The following DPP6 variants were observed in gnomAD, a reference collection of about 807,000 sequenced individuals.
The protein encoded by DPP6 is A-type potassium channel modulatory protein DPP6.
In DPP6, 69 loss-of-function variants were observed where a neutral mutation model predicts 122.6. That is an observed-to-expected ratio of 0.56 (90% CI 0.46 to 0.69). The LOEUF is 0.69. Among genes scored for constraint, DPP6 ranks in the 30% least tolerant of loss-of-function variants. DPP6 has a pLI of 0.00. For missense variants in DPP6, 928 were observed against 1,116.9 expected (o/e 0.83, Z 2.41); for synonymous variants, 418 against 433.1 (o/e 0.97, Z 0.43).
chr7:154,672,146 GT>G (rs1186923796), intron 7 of DPP6, among the ~76,000 whole-genome samples: 3 of 152,138 alleles, frequency 2.0e-5, no homozygotes, highest in African/African-American at 7.2e-5. Context: ...AGATCTGATG[GT>G]TTCCCCCTTT....
chr7:154,487,675 G>T (rs1011139639), intron 3 of DPP6, among the ~76,000 whole-genome samples: 1 of 152,166 alleles, frequency 6.6e-6, no homozygotes, highest in Non-Finnish European at 1.5e-5. Flanking sequence ...CCATTAATTA[G>T]AGACTATTCA....
chr7:154,705,283 T>G (rs2131281446), intron 7 of DPP6, among the ~76,000 whole-genome samples: 1 of 152,304 alleles, frequency 6.6e-6, no homozygotes, highest in Admixed American at 6.5e-5. Flanking sequence ...CAGAAGTGGG[T>G]TTGGCATCCA....
intron 21 of DPP6, among the ~76,000 whole-genome samples, chr7:154,882,857 G>A (rs926350818): frequency 6.6e-6 from 1 of 152,182 alleles, no homozygotes; most frequent in Non-Finnish European, 1.5e-5. Flanking sequence ...TAGACAAGGT[G>A]CCCCTGCCCT....
the DPP6 span, among the ~76,000 whole-genome samples, chr7:153,825,090 A>G: frequency 0.66 from 99,660 of 151,944 alleles, 33,428 homozygotes; most frequent in African/African-American, 0.82. Context: ...GTGACACCCC[A>G]TCTGTTTCTG....
intron 1 of DPP6, among the ~76,000 whole-genome samples, chr7:154,387,831 A>G (rs4043737): frequency 0.93 from 141,176 of 152,246 alleles, 65,646 homozygotes; most frequent in East Asian, 1. Flanking sequence ...AGCTCTTTGT[A>G]CGCCATACCT....
At chr7:154,030,388 G>A (rs1302115878) in intron 1 of DPP6, among the ~76,000 whole-genome samples, 1 of 152,178 alleles carries the variant, frequency 6.6e-6, no homozygotes, top group Non-Finnish European at 1.5e-5. Flanking sequence ...GGCACCAGGT[G>A]TGAGTTGGGA....
At chr7:154,006,634 T>C (rs554564134) in intron 1 of DPP6, among the ~76,000 whole-genome samples, 1 of 152,286 alleles carries the variant, frequency 6.6e-6, no homozygotes, top group South Asian at 2.1e-4. Flanking sequence ...GGTCTCTGCC[T>C]AAGTTATTTT....
intron 1 of DPP6, among the ~76,000 whole-genome samples, chr7:154,101,936 A>AAC (rs1491365323): frequency 6.1e-5 from 6 of 97,808 alleles, no homozygotes; most frequent in Non-Finnish European, 1.0e-4. Flanking sequence ...ACTCCATCTC[A>AAC]AAAAAAAAAA....
intron 6 of DPP6, among the ~76,000 whole-genome samples, chr7:154,644,774 T>C (rs1387185): frequency 0.22 from 32,347 of 149,776 alleles, 4,004 homozygotes; most frequent in Admixed American, 0.28. Flanking sequence ...AGTGGCGCGA[T>C]CTCGGCTCAC....
At chr7:154,154,261 G>A (rs537460952) in intron 1 of DPP6, among the ~76,000 whole-genome samples, 32 of 152,238 alleles carry the variant, frequency 2.1e-4, no homozygotes, top group Admixed American at 4.6e-4. Context: ...TTTGAACTGA[G>A]AACCAGGGCC....
chr7:154,703,936 CAAA>C (rs201268829), intron 7 of DPP6, among the ~76,000 whole-genome samples: 1 of 122,730 alleles, frequency 8.1e-6, no homozygotes, highest in African/African-American at 3.0e-5. Context: ...GACTCTGTCT[CAAA>C]AAAAAAAAAA....
At chr7:154,809,766 A>C (rs985280209) in intron 16 of DPP6, among the ~76,000 whole-genome samples, 1 of 152,196 alleles carries the variant, frequency 6.6e-6, no homozygotes, top group African/African-American at 2.4e-5. Flanking sequence ...AAAAAAGTTT[A>C]AATCGTGGTT....
At chr7:153,809,806 G>T in the DPP6 span, among the ~76,000 whole-genome samples, 1 of 144,422 alleles carries the variant, frequency 6.9e-6, no homozygotes, top group Non-Finnish European at 1.6e-5. Flanking sequence ...TCTCCCAGTT[G>T]GGTGATTATT....
At chr7:153,987,642 G>A (rs548220017) in intron 1 of DPP6, among the ~76,000 whole-genome samples, 1 of 152,164 alleles carries the variant, frequency 6.6e-6, no homozygotes, top group East Asian at 1.9e-4. Flanking sequence ...GCAGCGTGAG[G>A]TAGAGTGGCA....
chr7:154,595,440 G>A (rs908494347), intron 5 of DPP6, among the ~76,000 whole-genome samples: 1 of 152,142 alleles, frequency 6.6e-6, no homozygotes. Flanking sequence ...AAGCCAGTGA[G>A]TTAGACCATG....
chr7:153,940,975 C>T (rs1801670621), intron 1 of DPP6, among the ~76,000 whole-genome samples: 1 of 152,184 alleles, frequency 6.6e-6, no homozygotes, highest in African/African-American at 2.4e-5. Context: ...TGGGAGAGGG[C>T]ACAGTCTGTT....
intron 1 of DPP6, among the ~76,000 whole-genome samples, chr7:153,908,839 C>T (rs529737213): frequency 3.4e-4 from 51 of 152,214 alleles, no homozygotes; most frequent in African/African-American, 7.2e-4. Context: ...CTGCAACCTC[C>T]GCCTCCCAGA....
chr7:153,831,799 C>A, the DPP6 span, among the ~76,000 whole-genome samples: 1 of 152,124 alleles, frequency 6.6e-6, no homozygotes, highest in African/African-American at 2.4e-5. Flanking sequence ...GTTTGCAGAC[C>A]TCGGGCCAAA....
chr7:154,316,745 TGG>T (rs1251201363), intron 1 of DPP6, among the ~76,000 whole-genome samples: 3 of 152,048 alleles, frequency 2.0e-5, no homozygotes, highest in Non-Finnish European at 4.4e-5. Context: ...ATTTCAGATG[TGG>T]GGGACAGGGT....
Sources: gnomAD v4.1 joint callset for allele counts (sites outside exome capture counted in the v4.1 genomes callset) on GRCh38, gnomAD v4.1.1 for gene constraint, MANE v1.5 for transcripts, NCBI Gene and HGNC (gene_info 2026-07-23, HGNC 2026-07-21) for gene names.